Variants in RHBDF2 observed in about 807,000 individuals in gnomAD.
RHBDF2 encodes rhomboid 5 homolog 2, also known as inactive rhomboid protein 2.
In RHBDF2, 38 loss-of-function variants were observed where a neutral mutation model predicts 95.2. The observed-to-expected ratio is 0.40, with a 90% CI of 0.31 to 0.52. The LOEUF (loss-of-function observed/expected upper bound fraction) is 0.52. Ranked by LOEUF, RHBDF2 falls within the 20% of genes least tolerant of loss-of-function variation. RHBDF2 has a pLI of 0.56. For synonymous variants in RHBDF2, 442 were observed against 462.0 expected (o/e 0.96, Z 0.55); for missense variants, 863 against 1,137.7 (o/e 0.76, Z 3.47).
chr17:76,487,198 G>A (rs147520405), intron 2 of RHBDF2, among the ~76,000 whole-genome samples: 12 of 150,806 alleles, frequency 8.0e-5, no homozygotes, highest in African/African-American at 2.9e-4. Context: ...GCCTCCACCC[G>A]CCTTGGCCTC....
chr17:76,498,299 A>AC (rs1440607709), intron 1 of RHBDF2, among the ~76,000 whole-genome samples: 1 of 152,170 alleles, frequency 6.6e-6, no homozygotes. Context: ...GCCGCTTCCG[A>AC]CAGCCAGCGC....
At position 76,477,226 on chromosome 17, in the gene RHBDF2, G is replaced by A. The variant is rs1434108372; in HGVS notation, c.874C>T (p.Pro292Ser). The A allele has an allele frequency of 1.2e-6, 2 of 1,609,306 alleles. No homozygotes were observed. Among genetic ancestry groups the A allele is most frequent in the Admixed American group, 1.7e-5 (1 of 58,280 alleles). Residue 292 changes from proline (P) to serine (S), a missense_variant, in exon 8 of 19, where the codon CCA becomes TCA. This residue lies in a region of RHBDF2 where 611 missense variants were observed against 725.5 expected (regional missense o/e 0.84). Transcript: ENST00000675367. ...PLSASYFRGIPHSASPVSPDG... is the reference protein window; with the variant it reads ...PLSASYFRGISHSASPVSPDG... ...GGGGAGACAGGGGAGGCTGAGTGTG[G>A]GATCCCTCGGAAGTAGCTGGCAGAG...
chr17:76,491,194 C>T (rs995031041), intron 1 of RHBDF2, among the ~76,000 whole-genome samples: 1 of 148,786 alleles, frequency 6.7e-6, no homozygotes, highest in Non-Finnish European at 1.5e-5. Context: ...TAGTGGACCT[C>T]CCCACTAGAC....
At chr17:76,484,411 C>T (rs191895092) in intron 2 of RHBDF2, among the ~76,000 whole-genome samples, 5 of 152,220 alleles carry the variant, frequency 3.3e-5, no homozygotes, top group Admixed American at 2.0e-4. Context: ...CAGCCAAGGG[C>T]GTGTGTGGGC....
At position 76,479,847 on chromosome 17, in the gene RHBDF2, T is replaced by A; in HGVS notation, c.158A>T (p.Asn53Ile). ...GCTGACGCTCTTCAAGTAGGCTGGGTTCTTCCTCTTGGGGAGGAAGGAGGG... is the reference window on the plus strand; with the variant it reads ...GCTGACGCTCTTCAAGTAGGCTGGGATCTTCCTCTTGGGGAGGAAGGAGGG... ...EQDSMLPERK[N>I]PAYLKSVSLQ... is the part of the protein sequence containing the mutation. The change falls in exon 4 of 19, where the codon AAC (asparagine) becomes ATC (isoleucine). Residue 53 changes from asparagine (N) to isoleucine (I), a missense_variant. Coordinates refer to ENST00000675367, the MANE Select transcript of RHBDF2 (RefSeq NM_001005498.4). The A allele has an allele frequency of 6.2e-7, 1 of 1,612,686 alleles. No homozygotes were observed. Among genetic ancestry groups the A allele is most frequent in the African/African-American group, 1.3e-5 (1 of 74,828 alleles).
At position 76,474,119 on chromosome 17, in the gene RHBDF2, C is replaced by T. The variant is rs1159487209; in HGVS notation, c.1488G>A (p.Lys496=). The change falls in exon 13 of 19, where the codon AAG becomes AAA. Residue 496 remains lysine (K), a synonymous_variant. Coordinates refer to ENST00000675367, the MANE Select transcript of RHBDF2 (RefSeq NM_001005498.4). ...TGGGGGGCCCAGTGTCATCCTGCCA[C>T]TTGACAAAAGTGGCCAAAGTCTCCT... The part of the protein sequence containing the change: ...DCSETLATFV[K]WQDDTGPPMD... The T allele has an allele frequency of 6.3e-7, 1 of 1,593,724 alleles. No homozygotes were observed. The highest frequency in any genetic ancestry group is 2.2e-5 in the East Asian group (1 of 44,732).
At chr17:76,485,673 G>A (rs1013994568) in intron 2 of RHBDF2, among the ~76,000 whole-genome samples, 1 of 152,176 alleles carries the variant, frequency 6.6e-6, no homozygotes, top group Non-Finnish European at 1.5e-5. Context: ...GGAAGTGCCC[G>A]GCAGCACGGC....
chr17:76,472,564 C>T (rs201110864), intron 18 of RHBDF2, 122 bp downstream of exon 18: 1 of 1,298,404 alleles, frequency 7.7e-7, no homozygotes, highest in African/African-American at 1.5e-5. Context: ...AGCTGTCCCT[C>T]CGCTGTGGAG....
chr17:76,475,197 C>T (rs2073732252), intron 9 of RHBDF2, 56 bp from the exon 10 acceptor site: 16 of 1,340,060 alleles, frequency 1.2e-5, no homozygotes, highest in Non-Finnish European at 1.6e-5. Context: ...ACCCCCAGTC[C>T]CGGCCACAGG....
At chr17:76,489,386 T>C (rs956658242) in intron 1 of RHBDF2, among the ~76,000 whole-genome samples, 148 of 148,220 alleles carry the variant, frequency 1.0e-3, no homozygotes, top group African/African-American at 3.4e-3. Flanking sequence ...TGCAGTGGCA[T>C]GATCTCAGCT....
intron 2 of RHBDF2, among the ~76,000 whole-genome samples, chr17:76,485,780 A>G (rs1459381354): frequency 6.6e-6 from 1 of 152,196 alleles, no homozygotes; most frequent in East Asian, 1.9e-4. Context: ...AGCATCCTTC[A>G]GCCACAAAAG....
Position 76,471,634 on chromosome 17 carries a change from C to G in RHBDF2, c.2483G>C (p.Ter828SerextTer55). The G allele has an allele frequency of 6.3e-7, 1 of 1,588,102 alleles. No individual in the cohort carries two copies. The highest frequency in any genetic ancestry group is 2.3e-5 in the East Asian group (1 of 44,386). ...EKYELDQVLH[*>S] ...AGGGGCAGCCGTGTGGCCCAGCGGT[C>G]AGTGCAGCACCTGGTCCAGCTCATA... Residue 828 changes from the stop codon to serine (S), a stop_lost, in exon 19 of 19, where the codon TGA (stop) becomes TCA (serine). Coordinates refer to ENST00000675367, the MANE Select transcript of RHBDF2 (RefSeq NM_001005498.4).
At chr17:76,483,363 G>A (rs971639209) in intron 2 of RHBDF2, among the ~76,000 whole-genome samples, 8 of 151,628 alleles carry the variant, frequency 5.3e-5, no homozygotes, top group African/African-American at 1.5e-4. Context: ...TCGGCTCACC[G>A]CAACCTCCAC....
intron 9 of RHBDF2, chr17:76,476,207 CTGCT>C (rs2073769376): frequency 6.6e-6 from 1 of 152,466 alleles, no homozygotes; most frequent in African/African-American, 2.4e-5. Context: ...CGCGCCCTGC[CTGCT>C]TGTTATTTTC....
intron 3 of RHBDF2, 104 bp from the exon 4 acceptor site, chr17:76,479,958 A>C: frequency 6.6e-7 from 1 of 1,508,978 alleles, no homozygotes; most frequent in Non-Finnish European, 8.9e-7. Flanking sequence ...ACAAACTTCA[A>C]CCCTGATTTA....
chr17:76,476,279 A>T, intron 9 of RHBDF2: 1 of 152,498 alleles, frequency 6.6e-6, no homozygotes, highest in East Asian at 1.9e-4. Context: ...TTCTTCCCCA[A>T]GGGCTCTGCA....
At chr17:76,498,291 C>T (rs1405032922) in intron 1 of RHBDF2, among the ~76,000 whole-genome samples, 2 of 151,996 alleles carry the variant, frequency 1.3e-5, no homozygotes, top group Non-Finnish European at 2.9e-5. Flanking sequence ...AACTGGGAGC[C>T]GCTTCCGACA....
chr17:76,478,430 C>T (rs1479547316), intron 6 of RHBDF2, among the ~76,000 whole-genome samples: 2 of 152,258 alleles, frequency 1.3e-5, no homozygotes, highest in African/African-American at 4.8e-5. Context: ...GACCCTCACC[C>T]TGGGCTGCGA....
Position 76,471,876 on chromosome 17 carries a change from G to A in RHBDF2, c.2241C>T (p.Gly747=). The A allele has an allele frequency of 1.3e-6, 2 of 1,586,304 alleles. No individual in the cohort carries two copies. The highest frequency in any genetic ancestry group is 1.7e-6 in the Non-Finnish European group (2 of 1,166,178). The part of the protein sequence containing the change: ...PWIDNIAHIF[G]FLSGLLLAFA... ...AGGCCAGCAGCAGGCCACTGAGGAA[G>A]CCGAAGATGTGGGCGATGTTGTCGA... The change falls in exon 19 of 19, where the codon GGC becomes GGT. Residue 747 remains glycine (G), a synonymous_variant. Transcript: ENST00000675367.
Sources: gnomAD v4.1 joint callset for allele counts (sites outside exome capture counted in the v4.1 genomes callset) on GRCh38, gnomAD v4.1.1 for gene constraint, gnomAD v4.1.1 regional missense constraint, MANE v1.5 for transcripts, NCBI Gene and HGNC (gene_info 2026-07-23, HGNC 2026-07-21) for gene names.